Variants in MCF2L2 observed in about 807,000 individuals in gnomAD.
The protein encoded by MCF2L2 is MCF.2 cell line derived transforming sequence-like 2.
A neutral mutation model predicts 150.2 loss-of-function variants in MCF2L2; 102 were observed. The ratio of observed to expected loss-of-function variants is 0.68; its 90% CI spans 0.58 to 0.80. MCF2L2 has a LOEUF of 0.80. MCF2L2 is among the 30% of genes least tolerant of loss of function. The pLI, the probability that MCF2L2 is intolerant of heterozygous loss-of-function variation, is 0.00. For synonymous variants in MCF2L2, 465 were observed against 491.3 expected (o/e 0.95, Z 0.71); for missense variants, 1,256 against 1,372.8 (o/e 0.91, Z 1.34).
intron 25 of MCF2L2, among the ~76,000 whole-genome samples, chr3:183,196,953 C>A (rs1259160884): frequency 1.3e-5 from 2 of 152,066 alleles, no homozygotes; most frequent in Admixed American, 1.3e-4. Flanking sequence ...ATCTTCATAA[C>A]AAACTTGTCT....
At chr3:183,216,572 ATATATATATTTTTTTTTTTTTTT>A (rs1435297583) in intron 21 of MCF2L2, among the ~76,000 whole-genome samples, 455 of 19,074 alleles carry the variant, frequency 0.024, 16 homozygotes, top group Admixed American at 0.063. Flanking sequence ...ATATATATAT[ATATATATATTTTTTTTTTTTTTT>A]TTTTTTTTTT....
At chr3:183,386,229 G>C (rs1221270900) in intron 2 of MCF2L2, among the ~76,000 whole-genome samples, 1 of 152,186 alleles carries the variant, frequency 6.6e-6, no homozygotes, top group East Asian at 1.9e-4. Context: ...TGGGTCCAAA[G>C]CCCAGAGTGT....
In MCF2L2 at chr3:183,267,964, G is replaced by A. The variant is rs545124623; in HGVS notation, c.1862+8908C>T. 1.3e-5 allele frequency among the ~76,000 whole-genome samples: 2 copies of A among 152,328 alleles called. No homozygotes were observed. The highest frequency in any genetic ancestry group is 2.4e-5 in the African/African-American group (1 of 41,562). The stretch of plus-strand genomic sequence containing the variant: ...CACACTGAGCTGGATGCTGAGTGTA[G>A]GGTGTCCACAACATCGTGCCTAAAA... On this transcript the variant is annotated intron_variant, in intron 15 of 29. Coordinates refer to ENST00000328913, the MANE Select transcript of MCF2L2 (RefSeq NM_015078.4). This position sits in a 1 kb window ranked among gnomAD's most constrained non-coding sequence, Gnocchi z 5.5.
rs531621284 is a variant in MCF2L2, at chr3:183,276,831, G to A, written c.1862+41C>T. 2.7e-4 allele frequency: 387 copies of A among 1,444,596 alleles called. 1 individual carries two copies. The highest frequency in any genetic ancestry group is 5.2e-4 in the Middle Eastern group (3 of 5,770). The allele number at this position is 1,444,596 out of a possible 1,614,324, so 89.5% of individuals were successfully genotyped here. A position where few individuals can be genotyped will look rare whatever the true frequency, so the allele number is the denominator to read the frequency against. On this transcript the variant is annotated intron_variant, in intron 15 of 29. Coordinates refer to ENST00000328913, the MANE Select transcript of MCF2L2 (RefSeq NM_015078.4). ...AGAGGATCCTCGCCACCCATGCCCCGCACCCCCTCGCCCCCTGCACCCACG... is the reference window on the plus strand; with the variant it reads ...AGAGGATCCTCGCCACCCATGCCCCACACCCCCTCGCCCCCTGCACCCACG...
chr3:183,214,686 T>C (rs890177589), intron 22 of MCF2L2, among the ~76,000 whole-genome samples: 4 of 151,394 alleles, frequency 2.6e-5, no homozygotes, highest in Non-Finnish European at 5.9e-5. Context: ...GTCACAGAGA[T>C]GTGATGTAAG....
chr3:183,331,581 C>T (rs11917082), intron 5 of MCF2L2, among the ~76,000 whole-genome samples: 10,898 of 152,274 alleles, frequency 0.072, 894 homozygotes, highest in African/African-American at 0.2. Context: ...TGTATTCTGA[C>T]ACAAACTCCA....
At chr3:183,370,232 C>A (rs1214837893) in intron 3 of MCF2L2, among the ~76,000 whole-genome samples, 1 of 152,246 alleles carries the variant, frequency 6.6e-6, no homozygotes, top group Non-Finnish European at 1.5e-5. Context: ...GATCCCCACC[C>A]CTCATGTATT....
chr3:183,427,607 G>A (rs1716233515), intron 1 of MCF2L2, among the ~76,000 whole-genome samples: 1 of 150,566 alleles, frequency 6.6e-6, no homozygotes, highest in Non-Finnish European at 1.5e-5. Flanking sequence ...CCCGTCAGAA[G>A]CAGCTAACGG....
chr3:183,270,630 A>G lies in MCF2L2; in HGVS notation c.1862+6242T>C, dbSNP rs1726680786. ...TGAGGCATCACAGACACTAAATTCA[A>G]GTCTTTACATAGACGATGTGTTCAT... On this transcript the variant is annotated intron_variant, in intron 15 of 29. Coordinates refer to ENST00000328913, the MANE Select transcript of MCF2L2 (RefSeq NM_015078.4). The surrounding 1 kb of genome is among the most constrained non-coding windows in gnomAD (Gnocchi z 4.5). The G allele has an allele frequency of 1.2e-6, 2 of 1,614,074 alleles. No homozygotes were observed. The highest frequency in any genetic ancestry group is 1.7e-6 in the Non-Finnish European group (2 of 1,180,046).
chr3:183,412,047 T>C (rs1715339473), intron 1 of MCF2L2, among the ~76,000 whole-genome samples: 1 of 152,194 alleles, frequency 6.6e-6, no homozygotes, highest in African/African-American at 2.4e-5. Context: ...GAAGCCAGAA[T>C]GCTAGAAGGA....
intron 22 of MCF2L2, among the ~76,000 whole-genome samples, chr3:183,211,315 T>C (rs769990723): frequency 5.3e-5 from 8 of 152,104 alleles, no homozygotes; most frequent in Non-Finnish European, 8.8e-5. Context: ...CTTGAGAAGC[T>C]GCAGGTCAGC....
At chr3:183,378,388 T>C (rs966496919) in intron 3 of MCF2L2, 1 of 152,262 alleles carries the variant, frequency 6.6e-6, no homozygotes, top group African/African-American at 2.4e-5. Context: ...TGGTGACCAA[T>C]GTGGACTCTG....
At chr3:183,395,547 C>T (rs1714388499) in intron 1 of MCF2L2, among the ~76,000 whole-genome samples, 1 of 152,110 alleles carries the variant, frequency 6.6e-6, no homozygotes, top group Non-Finnish European at 1.5e-5. Context: ...ACATGCAATA[C>T]AATGCACAAA....
intron 27 of MCF2L2, among the ~76,000 whole-genome samples, chr3:183,185,244 TCTC>T (rs1721656268): frequency 6.6e-6 from 1 of 152,250 alleles, no homozygotes; most frequent in Non-Finnish European, 1.5e-5. Context: ...TTAAGGACCA[TCTC>T]TATCACATGA....
At chr3:183,424,212 A>C (rs1368939042) in intron 1 of MCF2L2, among the ~76,000 whole-genome samples, 1 of 152,212 alleles carries the variant, frequency 6.6e-6, no homozygotes, top group African/African-American at 2.4e-5. Context: ...ATGGTCCTAC[A>C]TGTGTCCTGC....
At chr3:183,358,657 A>G (rs936564741) in intron 3 of MCF2L2, among the ~76,000 whole-genome samples, 4 of 152,154 alleles carry the variant, frequency 2.6e-5, no homozygotes, top group African/African-American at 4.8e-5. Flanking sequence ...ATCTCATTCT[A>G]TCTCTCAGGC....
chr3:183,333,760 C>T (rs1263445267), intron 5 of MCF2L2, among the ~76,000 whole-genome samples: 2 of 152,070 alleles, frequency 1.3e-5, no homozygotes, highest in Non-Finnish European at 2.9e-5. Context: ...CATATATTTA[C>T]AGCTTCTGTC....
At position 183,207,719 on chromosome 3, in the gene MCF2L2, G is replaced by A. The variant is rs149453939; in HGVS notation, c.2601C>T (p.Pro867=). ...YKMKDLIRFK[P]SQRQIYLFER... The stretch of plus-strand genomic sequence containing the variant: ...CAAATAGGTAGATTTGCCTCTGGCT[G>A]GGTTTAAATCGAATCAAATCCTTCA... Residue 867 remains proline (P), a synonymous_variant, in exon 23 of 30, where the codon CCC becomes CCT. Transcript: ENST00000328913. The A allele has an allele frequency of 1.1e-4, 180 of 1,614,054 alleles. 2 individuals carry two copies. The highest frequency in any genetic ancestry group is 6.6e-4 in the Middle Eastern group (4 of 6,084).
In MCF2L2 at chr3:183,311,655, T is replaced by G. The variant is rs759861475; in HGVS notation, c.871A>C (p.Met291Leu). ...TCCACTTCACTCACTCACCTTTCCATGGTAGTTACATTCTCAAGTTGGTTG... is the reference window on the plus strand; with the variant it reads ...TCCACTTCACTCACTCACCTTTCCAGGGTAGTTACATTCTCAAGTTGGTTG... ...NLNQLENVTT[M>L]ERLLVQLDET... Residue 291 changes from methionine (M) to leucine (L), a missense_variant, in exon 8 of 30, where the codon ATG becomes CTG. Coordinates refer to ENST00000328913, the MANE Select transcript of MCF2L2 (RefSeq NM_015078.4). 5 of 1,614,048 alleles carry G rather than the reference T, an allele frequency of 3.1e-6. No individual in the cohort carries two copies. The South Asian group carries it at 3.3e-5, about 11-fold the overall frequency.
Sources: gnomAD v4.1 joint callset for allele counts (sites outside exome capture counted in the v4.1 genomes callset) on GRCh38, gnomAD v4.1.1 for gene constraint, Gnocchi (gnomAD v3.1) non-coding constraint, MANE v1.5 for transcripts, NCBI Gene and HGNC (gene_info 2026-07-23, HGNC 2026-07-21) for gene names.